NAALADL2: variants seen among roughly 807,000 people sequenced by gnomAD.
NAALADL2 encodes N-acetylated alpha-linked acidic dipeptidase like 2.
A neutral mutation model predicts 87.2 loss-of-function variants in NAALADL2; 76 were observed. The ratio of observed to expected loss-of-function variants is 0.87; its 90% CI spans 0.72 to 1.05. The LOEUF is 1.05. NAALADL2 is among the 50% of genes least tolerant of loss of function. The probability of loss-of-function intolerance (pLI) is 0.00; values close to 1 mark genes in which losing one functional copy is unlikely to be tolerated. For missense variants in NAALADL2, 1,089 were observed against 945.8 expected, an observed-to-expected ratio of 1.15 and a Z score of -1.99; for synonymous variants, 354 against 331.0, an observed-to-expected ratio of 1.07 and a Z score of -0.75.
chr3:174,950,517 A>G (rs1383690069), intron 1 of NAALADL2, among the ~76,000 whole-genome samples: 1 of 152,102 alleles, frequency 6.6e-6, no homozygotes, highest in Non-Finnish European at 1.5e-5. Context: ...AGTGAGCACT[A>G]TTTTTCTAAA....
intron 3 of NAALADL2, among the ~76,000 whole-genome samples, chr3:174,797,150 G>T (rs1406314584): frequency 1.3e-5 from 2 of 151,790 alleles, no homozygotes; most frequent in Non-Finnish European, 2.9e-5. Context: ...GAGATATAAG[G>T]GTTCAGTTTC....
chr3:175,541,625 C>G (rs1712346975), intron 9 of NAALADL2, among the ~76,000 whole-genome samples: 2 of 152,250 alleles, frequency 1.3e-5, no homozygotes, highest in East Asian at 1.9e-4. Context: ...AAGTCCAGAA[C>G]AGTCTGTGCA....
chr3:175,035,635 T>A (rs1257053524), intron 1 of NAALADL2, among the ~76,000 whole-genome samples: 1 of 152,108 alleles, frequency 6.6e-6, no homozygotes, highest in Non-Finnish European at 1.5e-5. Flanking sequence ...TATATAAGAA[T>A]GTGAAAAAAC....
intron 13 of NAALADL2, among the ~76,000 whole-genome samples, chr3:175,794,875 C>T (rs750966653): frequency 6.6e-6 from 1 of 152,194 alleles, no homozygotes; most frequent in Non-Finnish European, 1.5e-5. Context: ...AAACAACAGA[C>T]ATTTATTTCT....
At chr3:175,043,459 G>A (rs1412556916) in intron 1 of NAALADL2, among the ~76,000 whole-genome samples, 2 of 152,074 alleles carry the variant, frequency 1.3e-5, no homozygotes, top group African/African-American at 2.4e-5. Context: ...GGCTGGCCTC[G>A]AACTCCTGAC....
At chr3:175,102,968 G>A (rs929139460) in intron 2 of NAALADL2, among the ~76,000 whole-genome samples, 1 of 152,004 alleles carries the variant, frequency 6.6e-6, no homozygotes, top group Admixed American at 6.6e-5. Context: ...AATTACCCGG[G>A]CATGGTGGCA....
intron 2 of NAALADL2, among the ~76,000 whole-genome samples, chr3:174,573,588 T>A (rs1469288827): frequency 6.6e-6 from 1 of 152,164 alleles, no homozygotes; most frequent in Non-Finnish European, 1.5e-5. Flanking sequence ...CACCATCATC[T>A]GCTTCTGGTG....
intron 5 of NAALADL2, among the ~76,000 whole-genome samples, chr3:175,380,499 G>C (rs1767665017): frequency 6.6e-6 from 1 of 152,020 alleles, no homozygotes; most frequent in African/African-American, 2.4e-5. Context: ...CAAAAATAAA[G>C]TCAAAATTAT....
intron 9 of NAALADL2, among the ~76,000 whole-genome samples, chr3:175,473,739 A>T (rs1725242951): frequency 6.6e-6 from 1 of 152,102 alleles, no homozygotes; most frequent in Non-Finnish European, 1.5e-5. Context: ...AATTAAAACA[A>T]TTCACCAGTA....
At chr3:174,958,655 C>A (rs1157356470) in intron 1 of NAALADL2, among the ~76,000 whole-genome samples, 1 of 152,018 alleles carries the variant, frequency 6.6e-6, no homozygotes, top group Non-Finnish European at 1.5e-5. Context: ...GTTGAAATAG[C>A]AAAACTGCCA....
At chr3:174,834,073 T>G (rs890419204) in intron 3 of NAALADL2, among the ~76,000 whole-genome samples, 2 of 148,020 alleles carry the variant, frequency 1.4e-5, no homozygotes, top group Non-Finnish European at 3.0e-5. Flanking sequence ...AAAAATGAAT[T>G]AAAGGAATAG....
chr3:175,385,969 C>A (rs907395734), intron 5 of NAALADL2, among the ~76,000 whole-genome samples: 2 of 151,800 alleles, frequency 1.3e-5, no homozygotes, highest in Non-Finnish European at 2.9e-5. Flanking sequence ...TTGAAAAGAC[C>A]AATGGCCCCT....
chr3:175,775,169 G>A (rs1583188410), intron 13 of NAALADL2: 4 of 150,674 alleles, frequency 2.7e-5, no homozygotes, highest in Middle Eastern at 6.8e-3. Context: ...CTGTGATAGT[G>A]GATGGCAAAT....
intron 11 of NAALADL2, among the ~76,000 whole-genome samples, chr3:175,630,716 G>A (rs1026301214): frequency 5.9e-5 from 9 of 151,410 alleles, no homozygotes; most frequent in Admixed American, 2.0e-4. Context: ...TTTTATCAAC[G>A]TATCACAACA....
rs993425045 is a variant in NAALADL2, at chr3:175,745,227, TTGAC to T, written c.1990+7832_1990+7835del. Reference sequence around the variant, plus strand: ...ATTGGATGGTTCTTGAAAGCTCACTTTGACTGAGTAACCTTGGCTCTTAATATTT... The same window carrying T: ...ATTGGATGGTTCTTGAAAGCTCACTTTGAGTAACCTTGGCTCTTAATATTT... On this transcript the variant is annotated intron_variant, in intron 12 of 13. Coordinates refer to ENST00000454872, the MANE Select transcript of NAALADL2 (RefSeq NM_207015.3). Among the ~76,000 whole-genome samples, 5 of 152,224 alleles carry T rather than the reference TTGAC, an allele frequency of 3.3e-5. 1 individual carries two copies. Among genetic ancestry groups the T allele is most frequent in the Admixed American group, 2.0e-4 (3 of 15,286 alleles).
At chr3:175,661,033 G>A (rs575400918) in intron 11 of NAALADL2, among the ~76,000 whole-genome samples, 9 of 152,088 alleles carry the variant, frequency 5.9e-5, no homozygotes, top group East Asian at 5.8e-4. Flanking sequence ...CTGATGGACC[G>A]TAAGGTAGTT....
chr3:174,526,549 T>A (rs1006731800), intron 1 of NAALADL2, among the ~76,000 whole-genome samples: 2 of 152,254 alleles, frequency 1.3e-5, no homozygotes, highest in Admixed American at 6.5e-5. Context: ...TGGATCATGA[T>A]AATTGATGAA....
chr3:175,570,301 T>C (rs1043961712), intron 9 of NAALADL2, among the ~76,000 whole-genome samples: 1 of 152,200 alleles, frequency 6.6e-6, no homozygotes, highest in Admixed American at 6.5e-5. Flanking sequence ...TAGGGCAATC[T>C]GCTTTACTCA....
rs565363345 is a variant in NAALADL2, at chr3:175,779,412, CCTCT to C, written c.2190-23590_2190-23587del. On this transcript the variant is annotated intron_variant, in intron 13 of 13. Transcript: ENST00000454872. ...ACCCAGTATTTTCTTCTTATTTTTC[CCTCT>C]CTGTTATTGATATTACTTTTTAGAT... is the stretch of plus-strand genomic sequence containing the variant. Among the ~76,000 whole-genome samples the C allele has an allele frequency of 1.9e-3, 295 of 152,044 alleles. 1 individual carries two copies. The highest frequency in any genetic ancestry group is 6.6e-3 in the African/African-American group (273 of 41,456).
Sources: gnomAD v4.1 joint callset for allele counts (sites outside exome capture counted in the v4.1 genomes callset) on GRCh38, gnomAD v4.1.1 for gene constraint, MANE v1.5 for transcripts, NCBI Gene and HGNC (gene_info 2026-07-23, HGNC 2026-07-21) for gene names.